Variants in RHOF observed in about 807,000 individuals in gnomAD.
RHOF encodes rho-related GTP-binding protein RhoF.
RHOF carries 21 observed loss-of-function variants against 22.2 expected under a neutral mutation model. The ratio of observed to expected loss-of-function variants is 0.95; its 90% CI spans 0.67 to 1.36. The LOEUF (loss-of-function observed/expected upper bound fraction) is 1.36. RHOF is among the 40% of genes most tolerant of loss of function. The pLI is 0.00. For synonymous variants in RHOF, 135 were observed against 131.2 expected (o/e 1.03, Z -0.20); for missense variants, 285 against 293.7 (o/e 0.97, Z 0.22).
chr12:121,792,977 A>G (rs549250311), intron 2 of RHOF, among the ~76,000 whole-genome samples, 175 bp downstream of exon 2: 1 of 152,346 alleles, frequency 6.6e-6, no homozygotes, highest in African/African-American at 2.4e-5. Flanking sequence ...ACTTACGTAT[A>G]GGGCTTGGCC....
intron 2 of RHOF, among the ~76,000 whole-genome samples, chr12:121,785,211 A>G (rs1425179368): frequency 1.3e-5 from 2 of 152,124 alleles, no homozygotes; most frequent in Non-Finnish European, 2.9e-5. Flanking sequence ...GAAGGGGCGA[A>G]TCATATCCCG....
intron 2 of RHOF, among the ~76,000 whole-genome samples, chr12:121,787,805 G>A (rs962792431): frequency 2.6e-5 from 4 of 151,516 alleles, no homozygotes; most frequent in Admixed American, 1.3e-4. Context: ...GGGAGGCTGA[G>A]GCAGGGGAAT....
chr12:121,782,549 A>G (rs12318048), intron 2 of RHOF: 30,734 of 152,220 alleles, frequency 0.2, 3,519 homozygotes, highest in African/African-American at 0.31. Flanking sequence ...GCTGGGTGGC[A>G]CCAGCCTGCC....
Position 121,779,676 on chromosome 12 carries a change from G to A in RHOF, c.472-14C>T. ...GGCGCTCAGGCCCTGGGTGGGGGGA[G>A]GAGCCAGCATTAGGTGAGGGGCCCC... On this transcript the variant is annotated splice_polypyrimidine_tract_variant and intron_variant, in intron 4 of 4. Coordinates refer to ENST00000267205, the MANE Select transcript of RHOF (RefSeq NM_019034.3). The A allele has an allele frequency of 6.2e-7, 1 of 1,613,406 alleles. No homozygotes were observed. Among genetic ancestry groups the A allele is most frequent in the Non-Finnish European group, 8.5e-7 (1 of 1,179,692 alleles).
chr12:121,785,574 G>A (rs968309229), intron 2 of RHOF, among the ~76,000 whole-genome samples: 1 of 150,976 alleles, frequency 6.6e-6, no homozygotes, highest in South Asian at 2.1e-4. Flanking sequence ...CTACAGGCAG[G>A]TGCCACCATG....
At chr12:121,780,559 G>A (rs1874412358) in intron 4 of RHOF, 5 of 501,426 alleles carry the variant, frequency 1.0e-5, no homozygotes, top group Non-Finnish European at 1.8e-5. Context: ...GCAGTGGATG[G>A]GACCAGATCC....
intron 2 of RHOF, among the ~76,000 whole-genome samples, chr12:121,788,198 GC>G (rs1874663320): frequency 6.6e-6 from 1 of 152,178 alleles, no homozygotes; most frequent in African/African-American, 2.4e-5. Flanking sequence ...CTTGCCCCAG[GC>G]CACACAGCTA....
At chr12:121,779,813 A>T in intron 4 of RHOF, 151 bp from the exon 5 acceptor site, 1 of 794,380 alleles carries the variant, frequency 1.3e-6, no homozygotes, top group Non-Finnish European at 2.0e-6. Flanking sequence ...TGCCCCTCAC[A>T]GTGTGTGGGT....
intron 2 of RHOF, among the ~76,000 whole-genome samples, chr12:121,783,313 A>AT (rs1874521371): frequency 1.8e-5 from 2 of 113,956 alleles, no homozygotes; most frequent in Admixed American, 9.0e-5. Context: ...ATGGCTCCCT[A>AT]TTGCCCCCCC....
chr12:121,779,383 C>A lies in RHOF; in HGVS notation c.*115G>T. On this transcript the variant is annotated 3_prime_UTR_variant, in exon 5 of 5. Transcript: ENST00000267205. Reference sequence around the variant, plus strand: ...TTCCAGAATGTTCCAAGAGTCTAGCCGCAGGCCCCAGACACCATGAGCTGG... The same window carrying A: ...TTCCAGAATGTTCCAAGAGTCTAGCAGCAGGCCCCAGACACCATGAGCTGG... 8.8e-7 allele frequency: 1 copy of A among 1,136,754 alleles called. No individual in the cohort carries two copies. 70.4% of individuals were successfully genotyped at this position (1,136,754 alleles called of 1,614,324 possible).
intron 2 of RHOF, among the ~76,000 whole-genome samples, chr12:121,790,024 C>G (rs1022823332): frequency 6.6e-6 from 1 of 152,360 alleles, no homozygotes; most frequent in Non-Finnish European, 1.5e-5. Flanking sequence ...GTCAGGGCCC[C>G]GGTGAGGCCG....
intron 2 of RHOF, among the ~76,000 whole-genome samples, chr12:121,783,882 G>C (rs1005027599): frequency 2.0e-5 from 3 of 152,116 alleles, no homozygotes; most frequent in Middle Eastern, 3.2e-3. Flanking sequence ...GGGATTATAG[G>C]CATGAGCCAC....
chr12:121,785,685 A>G (rs1874589079), intron 2 of RHOF, among the ~76,000 whole-genome samples: 1 of 151,976 alleles, frequency 6.6e-6, no homozygotes, highest in African/African-American at 2.4e-5. Context: ...ATCTCAGCTC[A>G]CTGCAACCTC....
intron 2 of RHOF, among the ~76,000 whole-genome samples, chr12:121,784,009 T>C (rs541726421): frequency 2.0e-5 from 3 of 152,288 alleles, no homozygotes; most frequent in Admixed American, 2.0e-4. Context: ...ACCATCTCAC[T>C]GTTTCTCAAA....
At chr12:121,786,143 A>G (rs902117577) in intron 2 of RHOF, among the ~76,000 whole-genome samples, 3 of 150,856 alleles carry the variant, frequency 2.0e-5, no homozygotes, top group Non-Finnish European at 1.5e-5. Flanking sequence ...GATGGTCTCG[A>G]TCTCCTGACC....
At chr12:121,781,419 C>T (rs1257450110) in intron 2 of RHOF, 4 of 503,246 alleles carry the variant, frequency 7.9e-6, no homozygotes, top group African/African-American at 3.9e-5. Flanking sequence ...TACAGTGAGC[C>T]GTGATCATGC....
intron 2 of RHOF, among the ~76,000 whole-genome samples, chr12:121,790,114 G>A (rs1189359620): frequency 3.9e-5 from 6 of 152,180 alleles, no homozygotes; most frequent in African/African-American, 1.2e-4. Context: ...CCCTCCCTCC[G>A]CTGTGGTGTC....
At chr12:121,779,957 C>CT in intron 4 of RHOF, 1 of 365,166 alleles carries the variant, frequency 2.7e-6, no homozygotes, top group Non-Finnish European at 5.1e-6. Context: ...CCAGGTGTCT[C>CT]CCAGGCCTGT....
rs61751318 is a variant in RHOF at position 121,779,601 on chromosome 12, C to G, written c.533G>C (p.Arg178Pro). The G allele has an allele frequency of 3.7e-6, 6 of 1,614,224 alleles. No homozygotes were observed. The highest frequency in any genetic ancestry group is 5.1e-6 in the Non-Finnish European group (6 of 1,180,042). ...CCGGAAGACGTCCTCCACATTCTCC[C>G]GAAACTTGGCGGAACATTCCAGGTA... Reference protein sequence around the residue: ...ALYLECSAKFRENVEDVFREA... With the variant: ...ALYLECSAKFPENVEDVFREA... The change falls in exon 5 of 5, where the codon CGG becomes CCG. Residue 178 changes from arginine (R) to proline (P), a missense_variant. Physicochemically the swap from Arg to Pro is moderately radical, Grantham distance 103. Transcript: ENST00000267205.
Sources: gnomAD v4.1 joint callset for allele counts (sites outside exome capture counted in the v4.1 genomes callset) on GRCh38, gnomAD v4.1.1 for gene constraint, MANE v1.5 for transcripts, NCBI Gene and HGNC (gene_info 2026-07-23, HGNC 2026-07-21) for gene names.